AKR1C8: variants seen among roughly 807,000 people sequenced by gnomAD.
The protein encoded by AKR1C8 is aldo-keto reductase family 1 member C-like protein 1.
At chr10:5,154,248 G>A in the AKR1C8 span, 13 of 466,310 alleles carry the variant, frequency 2.8e-5, no homozygotes, top group African/African-American at 2.2e-4. Flanking sequence ...TTCTGAAGAA[G>A]CACTTGGGAT....
the AKR1C8 span, among the ~76,000 whole-genome samples, chr10:5,131,171 A>G: frequency 6.6e-6 from 1 of 152,114 alleles, no homozygotes; most frequent in Non-Finnish European, 1.5e-5. Flanking sequence ...CTTATACACA[A>G]ATCAACTCAA....
At chr10:5,171,393 G>T in the AKR1C8 span, among the ~76,000 whole-genome samples, 1 of 151,904 alleles carries the variant, frequency 6.6e-6, no homozygotes, top group Admixed American at 6.6e-5. Flanking sequence ...TACACACTAA[G>T]ATATATGGGA....
the AKR1C8 span, among the ~76,000 whole-genome samples, chr10:5,177,833 T>A: frequency 1.3e-5 from 2 of 152,240 alleles, no homozygotes; most frequent in African/African-American, 2.4e-5. Context: ...ATATCCCCTT[T>A]ATCATTTTTT....
At chr10:5,183,407 C>G in the AKR1C8 span, among the ~76,000 whole-genome samples, 1 of 152,100 alleles carries the variant, frequency 6.6e-6, no homozygotes, top group African/African-American at 2.4e-5. Flanking sequence ...TATCAACAAC[C>G]TCAGAATTTT....
chr10:5,148,092 C>T, the AKR1C8 span, among the ~76,000 whole-genome samples: 3 of 152,114 alleles, frequency 2.0e-5, no homozygotes, highest in African/African-American at 7.2e-5. Context: ...AGGCCTCTGG[C>T]TTCACAAGAC....
chr10:5,176,310 G>A, the AKR1C8 span, among the ~76,000 whole-genome samples: 5 of 130,096 alleles, frequency 3.8e-5, no homozygotes, highest in Non-Finnish European at 7.0e-5. Flanking sequence ...TTATTTCTGA[G>A]GGCTCTGTTC....
At chr10:5,120,487 C>T in the AKR1C8 span, among the ~76,000 whole-genome samples, 1 of 151,972 alleles carries the variant, frequency 6.6e-6, no homozygotes, top group Non-Finnish European at 1.5e-5. Context: ...TTCCTTTTCC[C>T]GTGTTCTTTT....
At chr10:5,154,434 C>T in the AKR1C8 span, 1 of 249,874 alleles carries the variant, frequency 4.0e-6, no homozygotes, top group Non-Finnish European at 8.1e-6. Context: ...TGTTTGTTTT[C>T]CTTTTTATGT....
At chr10:5,176,213 A>G in the AKR1C8 span, among the ~76,000 whole-genome samples, 3 of 144,740 alleles carry the variant, frequency 2.1e-5, no homozygotes, top group Admixed American at 7.1e-5. Flanking sequence ...CAGTTTTCCC[A>G]GCACCATTTA....
chr10:5,125,149 G>C, the AKR1C8 span, among the ~76,000 whole-genome samples: 1 of 151,492 alleles, frequency 6.6e-6, no homozygotes, highest in Non-Finnish European at 1.5e-5. Context: ...TCTTTTATTA[G>C]GTATACTTTT....
At chr10:5,169,955 G>A in the AKR1C8 span, among the ~76,000 whole-genome samples, 1 of 152,162 alleles carries the variant, frequency 6.6e-6, no homozygotes, top group African/African-American at 2.4e-5. Flanking sequence ...TGGGCTGTCA[G>A]GGGTTGCTTC....
the AKR1C8 span, chr10:5,132,592 GGCACA>G: frequency 6.5e-7 from 1 of 1,538,534 alleles, no homozygotes; most frequent in Non-Finnish European, 8.8e-7. Flanking sequence ...GCTTATCATA[GGCACA>G]GTACCTTTGA....
the AKR1C8 span, among the ~76,000 whole-genome samples, chr10:5,143,431 G>A: frequency 6.6e-6 from 1 of 152,072 alleles, no homozygotes; most frequent in African/African-American, 2.4e-5. Flanking sequence ...GCCTTAGACT[G>A]GAGGATACTT....
the AKR1C8 span, chr10:5,157,637 G>A: frequency 4.2e-6 from 2 of 471,608 alleles, no homozygotes; most frequent in Middle Eastern, 6.5e-4. Context: ...ACCTTTACCT[G>A]GAAGTTCTCT....
chr10:5,167,651 G>C, the AKR1C8 span, among the ~76,000 whole-genome samples: 1 of 152,118 alleles, frequency 6.6e-6, no homozygotes, highest in South Asian at 2.1e-4. Context: ...AGTGGGGAGG[G>C]ATAGCATTTG....
At chr10:5,174,335 G>C in the AKR1C8 span, among the ~76,000 whole-genome samples, 21 of 150,692 alleles carry the variant, frequency 1.4e-4, no homozygotes, top group Admixed American at 1.3e-3. Flanking sequence ...AAAGATTTTT[G>C]AAGGAAAATT....
chr10:5,143,050 G>C, the AKR1C8 span, among the ~76,000 whole-genome samples: 7 of 152,096 alleles, frequency 4.6e-5, no homozygotes, highest in Non-Finnish European at 1.0e-4. Context: ...AACTGGATTG[G>C]ATTAAGCAGT....
chr10:5,176,299 A>C, the AKR1C8 span, among the ~76,000 whole-genome samples: 12,567 of 98,906 alleles, frequency 0.13, 1,403 homozygotes, highest in Non-Finnish European at 0.18. Flanking sequence ...GATATGCGGC[A>C]TTATTTCTGA....
At chr10:5,177,766 T>G in the AKR1C8 span, among the ~76,000 whole-genome samples, 1 of 152,216 alleles carries the variant, frequency 6.6e-6, no homozygotes, top group Non-Finnish European at 1.5e-5. Flanking sequence ...TTTATTTGCA[T>G]AGAGGTGTTT....
Sources: allele counts gnomAD v4.1 joint callset (sites outside exome capture counted in the v4.1 genomes callset), GRCh38; gene constraint gnomAD v4.1.1; transcripts MANE v1.5; gene names NCBI Gene and HGNC (gene_info 2026-07-23, HGNC 2026-07-21).